The following FLI1 variants were observed in gnomAD, a reference collection of about 807,000 sequenced individuals.
FLI1 encodes Fli-1 proto-oncogene, ETS transcription factor, also known as Friend leukemia integration 1 transcription factor.
FLI1 carries 13 observed loss-of-function variants against 53.1 expected under a neutral mutation model. The ratio of observed to expected loss-of-function variants is 0.24; its 90% CI spans 0.16 to 0.39. The LOEUF (loss-of-function observed/expected upper bound fraction) is 0.39. FLI1 is among the 10% of genes least tolerant of loss of function. The pLI, the probability that FLI1 is intolerant of heterozygous loss-of-function variation, is 1.00. For missense variants in FLI1, 424 were observed against 600.5 expected (o/e 0.71, Z 3.07); for synonymous variants, 244 against 236.7 (o/e 1.03, Z -0.28).
chr11:128,777,221 G>T (rs1048305156), intron 4 of FLI1, among the ~76,000 whole-genome samples: 11 of 152,210 alleles, frequency 7.2e-5, no homozygotes, highest in Non-Finnish European at 1.3e-4. Flanking sequence ...CCGCTGGGGG[G>T]AGTTTGCGCA....
intron 4 of FLI1, among the ~76,000 whole-genome samples, chr11:128,777,929 A>G (rs1336149263): frequency 6.6e-6 from 1 of 152,194 alleles, no homozygotes; most frequent in African/African-American, 2.4e-5. Context: ...GTTCTACCCC[A>G]CACCTGCAAA....
At chr11:128,771,315 A>G (rs957358855) in intron 3 of FLI1, among the ~76,000 whole-genome samples, 2 of 152,222 alleles carry the variant, frequency 1.3e-5, no homozygotes, top group Admixed American at 6.5e-5. Context: ...CACCTTCAGC[A>G]CAACACAGCA....
chr11:128,688,446 G>A (rs1315335150), intron 1 of FLI1, among the ~76,000 whole-genome samples: 1 of 152,234 alleles, frequency 6.6e-6, no homozygotes, highest in Non-Finnish European at 1.5e-5. Flanking sequence ...TCTTGAGTCT[G>A]TTCCACCGGC....
chr11:128,712,245 T>C lies in FLI1; in HGVS notation c.18+17969T>C, dbSNP rs1938811506. 3.3e-5 allele frequency among the ~76,000 whole-genome samples: 5 copies of C among 152,328 alleles called. 1 individual carries two copies. In the South Asian group the frequency reaches 1.0e-3, roughly 32 times the overall value. ...CTCTCTCTTGCTCCTGCTCTTGCTA[T>C]GTGACACGCTGGCTCCCCATTCACT... On this transcript the variant is annotated intron_variant, in intron 1 of 8. Coordinates refer to ENST00000527786, the MANE Select transcript of FLI1 (RefSeq NM_002017.5).
intron 1 of FLI1, among the ~76,000 whole-genome samples, chr11:128,756,974 C>T (rs544000642): frequency 3.3e-5 from 5 of 152,324 alleles, no homozygotes; most frequent in East Asian, 1.9e-4. Flanking sequence ...CCTCTACTTC[C>T]GGGGCTCAAG....
intron 5 of FLI1, among the ~76,000 whole-genome samples, chr11:128,787,296 T>C (rs1290146992): frequency 2.0e-5 from 3 of 152,162 alleles, no homozygotes. Flanking sequence ...GTAGTATTAT[T>C]ATCCCCCTTC....
At position 128,810,385 on chromosome 11, in the gene FLI1, C is replaced by A; in HGVS notation, c.830-74C>A. On this transcript the variant is annotated intron_variant, in intron 8 of 8. Coordinates refer to ENST00000527786, the MANE Select transcript of FLI1 (RefSeq NM_002017.5). The surrounding 1 kb of genome is among the most constrained non-coding windows in gnomAD (Gnocchi z 6.6). ...CTTTAAAAGGATGAGAAGCTCCCTG[C>A]ATTTAGGGAACTGGGTTCTGCCTTC... The A allele has an allele frequency of 4.3e-6, 6 of 1,393,242 alleles. No homozygotes were observed. Among genetic ancestry groups the A allele is most frequent in the Non-Finnish European group, 5.8e-6 (6 of 1,027,700 alleles). The allele number at this position is 1,393,242 out of a possible 1,614,324, so 86.3% of individuals were successfully genotyped here.
At chr11:128,719,276 A>AT (rs1407514226) in intron 1 of FLI1, among the ~76,000 whole-genome samples, 2 of 119,614 alleles carry the variant, frequency 1.7e-5, no homozygotes, top group Non-Finnish European at 3.8e-5. Context: ...CATCAGTTAG[A>AT]TTAAAAAAAA....
chr11:128,690,152 G>A (rs1937676327), upstream of FLI1, among the ~76,000 whole-genome samples: 1 of 152,148 alleles, frequency 6.6e-6, no homozygotes. Context: ...AATTAATTAT[G>A]GCCTCGAGCG....
At chr11:128,743,891 G>A (rs1016427091) in intron 1 of FLI1, among the ~76,000 whole-genome samples, 4 of 152,194 alleles carry the variant, frequency 2.6e-5, no homozygotes, top group Non-Finnish European at 5.9e-5. Context: ...GATGGATGCC[G>A]GGAGACAGGA....
chr11:128,776,197 G>C (rs1365294892), intron 4 of FLI1, among the ~76,000 whole-genome samples: 2 of 152,184 alleles, frequency 1.3e-5, no homozygotes, highest in Non-Finnish European at 2.9e-5. Context: ...TGATGGCCAG[G>C]CATGCTAGGG....
At chr11:128,772,712 A>C in intron 3 of FLI1, 70 bp from the exon 4 acceptor site, 1 of 1,227,454 alleles carries the variant, frequency 8.1e-7, no homozygotes, top group South Asian at 1.2e-5. Context: ...GGGGTGAGGG[A>C]GGCTGCCTAG....
At chr11:128,795,541 G>A (rs1282828379) in intron 5 of FLI1, among the ~76,000 whole-genome samples, 8 of 148,774 alleles carry the variant, frequency 5.4e-5, no homozygotes, top group Non-Finnish European at 8.9e-5. Flanking sequence ...TGTAGGATGC[G>A]TTAGAATATA....
At chr11:128,693,884 G>A (rs1372605207), upstream of FLI1, 6 of 258,506 alleles carry the variant, frequency 2.3e-5, no homozygotes, top group Admixed American at 2.7e-4. Context: ...GGGGGTGTGG[G>A]GGGGGAGGGA....
intron 3 of FLI1, among the ~76,000 whole-genome samples, chr11:128,769,064 G>A (rs575255744): frequency 2.2e-4 from 34 of 152,242 alleles, no homozygotes; most frequent in Non-Finnish European, 3.7e-4. Context: ...TTAACTAATG[G>A]AGTGCCTTAA....
chr11:128,711,425 G>A (rs1938779534), intron 1 of FLI1, among the ~76,000 whole-genome samples: 1 of 152,190 alleles, frequency 6.6e-6, no homozygotes, highest in Non-Finnish European at 1.5e-5. Flanking sequence ...TGTTGGCCTG[G>A]GGCTGGAGCT....
At chr11:128,779,547 A>G (rs1368477370) in intron 4 of FLI1, among the ~76,000 whole-genome samples, 4 of 152,242 alleles carry the variant, frequency 2.6e-5, no homozygotes, top group African/African-American at 4.8e-5. Context: ...GGATGTAAAA[A>G]TAGTAACGAT....
rs1565484250 is a variant in FLI1, at chr11:128,757,052, CTTTCTT to C, written c.19-1061_19-1056del. ...ACCATATCTAGCTAATTTTTTCTTT[CTTTCTT>C]TCTTTCTTTCTTTCTTTCTTTCTTT... On this transcript the variant is annotated intron_variant, in intron 1 of 8. Transcript: ENST00000527786. 2.2e-3 allele frequency among the ~76,000 whole-genome samples: 201 copies of C among 93,486 alleles called. 1 individual carries two copies. Among genetic ancestry groups the C allele is most frequent in the African/African-American group, 8.4e-3 (184 of 21,944 alleles). 61.3% of individuals were successfully genotyped at this position (93,486 alleles called of 152,430 possible).
chr11:128,771,581 G>A (rs545908162), intron 3 of FLI1, among the ~76,000 whole-genome samples: 88 of 152,354 alleles, frequency 5.8e-4, no homozygotes, highest in Middle Eastern at 3.4e-3. Flanking sequence ...CACAGACGCT[G>A]TAGAATGAGA....
Sources: gnomAD v4.1 joint callset for allele counts (sites outside exome capture counted in the v4.1 genomes callset) on GRCh38, gnomAD v4.1.1 for gene constraint, Gnocchi (gnomAD v3.1) non-coding constraint, MANE v1.5 for transcripts, NCBI Gene and HGNC (gene_info 2026-07-23, HGNC 2026-07-21) for gene names.